The following PDGFRL variants were observed in gnomAD, a reference collection of about 807,000 sequenced individuals.
The protein encoded by PDGFRL is platelet-derived growth factor receptor-like protein.
A neutral mutation model predicts 37.2 loss-of-function variants in PDGFRL; 46 were observed. The ratio of observed to expected loss-of-function variants is 1.24; its 90% CI spans 0.98 to 1.58. PDGFRL has a LOEUF of 1.58. Ranked by LOEUF, PDGFRL falls within the 40% of genes most tolerant of loss-of-function variation. PDGFRL has a pLI of 0.00. For synonymous variants in PDGFRL, 251 were observed against 184.3 expected (o/e 1.36, Z -2.93); for missense variants, 692 against 467.6 (o/e 1.48, Z -4.43).
intron 2 of PDGFRL, among the ~76,000 whole-genome samples, chr8:17,597,933 A>G (rs1187477208): frequency 6.6e-6 from 1 of 151,390 alleles, no homozygotes; most frequent in African/African-American, 2.4e-5. Flanking sequence ...TCTCCTTATG[A>G]TTTTGATGAC....
intron 2 of PDGFRL, among the ~76,000 whole-genome samples, chr8:17,598,511 T>C (rs1804099985): frequency 6.6e-6 from 1 of 152,160 alleles, no homozygotes; most frequent in Admixed American, 6.5e-5. Flanking sequence ...ATGTCAGAAG[T>C]CAGTTCTTAG....
chr8:17,611,520 C>T (rs1563518712), intron 2 of PDGFRL, among the ~76,000 whole-genome samples: 1 of 152,074 alleles, frequency 6.6e-6, no homozygotes, highest in Non-Finnish European at 1.5e-5. Flanking sequence ...CGAGTAACCA[C>T]GTTTTGGTCA....
intron 1 of PDGFRL, among the ~76,000 whole-genome samples, chr8:17,580,956 TAC>T (rs373977371): frequency 0.073 from 5,297 of 72,262 alleles, 143 homozygotes; most frequent in Middle Eastern, 0.16. Context: ...GGCATTTTCA[TAC>T]GTGTGTGTGT....
chr8:17,642,854 C>T lies in PDGFRL; in HGVS notation c.*53C>T. 8.3e-7 allele frequency: 1 copy of T among 1,198,930 alleles called. No individual in the cohort carries two copies. The highest frequency in any genetic ancestry group is 1.2e-6 in the Non-Finnish European group (1 of 816,478). 74.3% of individuals were successfully genotyped at this position (1,198,930 alleles called of 1,614,324 possible). A position where few individuals can be genotyped will look rare whatever the true frequency, so the allele number is the denominator to read the frequency against. ...TGGAAAGCCCATTTGTGTACACAGT[C>T]AGCTTTGGGGTTCCTTTTATTAGTG... is the stretch of plus-strand genomic sequence containing the variant. On this transcript the variant is annotated 3_prime_UTR_variant, in exon 6 of 6. Transcript: ENST00000251630.
At chr8:17,606,681 C>T (rs1235604403) in intron 2 of PDGFRL, among the ~76,000 whole-genome samples, 1 of 132,046 alleles carries the variant, frequency 7.6e-6, no homozygotes, top group Non-Finnish European at 1.6e-5. Flanking sequence ...CAGAAAAACA[C>T]AGCTATGTTC....
intron 1 of PDGFRL, among the ~76,000 whole-genome samples, chr8:17,580,112 CAT>C (rs1803674416): frequency 6.6e-6 from 1 of 152,140 alleles, no homozygotes; most frequent in African/African-American, 2.4e-5. Flanking sequence ...TGTTGAATAA[CAT>C]GAGATCCTTG....
At chr8:17,623,195 ACC>A (rs1804665706) in intron 3 of PDGFRL, among the ~76,000 whole-genome samples, 1 of 152,170 alleles carries the variant, frequency 6.6e-6, no homozygotes, top group African/African-American at 2.4e-5. Flanking sequence ...TGTTTTTCTG[ACC>A]CAGGATCCAG....
At chr8:17,641,896 T>TCCCCCCCCCCCCCACC (rs144394170) in intron 5 of PDGFRL, among the ~76,000 whole-genome samples, 1 of 103,890 alleles carries the variant, frequency 9.6e-6, no homozygotes, top group Non-Finnish European at 1.8e-5. Context: ...TCAATAGAGG[T>TCCCCCCCCCCCCCACC]CCCCGCCACA....
chr8:17,607,151 C>T (rs1299256283), intron 2 of PDGFRL, among the ~76,000 whole-genome samples: 2 of 152,038 alleles, frequency 1.3e-5, no homozygotes, highest in Non-Finnish European at 2.9e-5. Context: ...CTGCCTTGGC[C>T]TGCGAGTTTC....
At chr8:17,599,506 T>G (rs1804122562) in intron 2 of PDGFRL, among the ~76,000 whole-genome samples, 1 of 152,224 alleles carries the variant, frequency 6.6e-6, no homozygotes, top group African/African-American at 2.4e-5. Flanking sequence ...CTGTTCTTCC[T>G]TCATTTCCAC....
At chr8:17,616,500 C>G (rs971838978) in intron 2 of PDGFRL, among the ~76,000 whole-genome samples, 1 of 152,160 alleles carries the variant, frequency 6.6e-6, no homozygotes, top group East Asian at 1.9e-4. Flanking sequence ...GGCCCAAGTT[C>G]ATGATTTTAT....
At chr8:17,630,175 T>A (rs1261344375) in intron 4 of PDGFRL, among the ~76,000 whole-genome samples, 2 of 152,142 alleles carry the variant, frequency 1.3e-5, no homozygotes, top group African/African-American at 2.4e-5. Flanking sequence ...TTTCTTCTGT[T>A]TTCCCCAATG....
upstream of PDGFRL, chr8:17,576,753 T>C: frequency 1.1e-6 from 1 of 939,620 alleles, no homozygotes; most frequent in Non-Finnish European, 1.3e-6. Flanking sequence ...GGGGCAACGG[T>C]CCTGTGAGTG....
intron 1 of PDGFRL, among the ~76,000 whole-genome samples, chr8:17,588,079 G>C (rs1004968593): frequency 2.6e-5 from 4 of 152,150 alleles, no homozygotes; most frequent in Non-Finnish European, 5.9e-5. Flanking sequence ...CTTACTTATA[G>C]AGAAGGCAAA....
intron 5 of PDGFRL, among the ~76,000 whole-genome samples, chr8:17,641,727 G>A (rs11782715): frequency 0.053 from 8,053 of 152,154 alleles, 294 homozygotes; most frequent in East Asian, 0.073. Context: ...GAAGAGATTT[G>A]GCCTCCACAA....
At chr8:17,580,731 A>G (rs1294417324) in intron 1 of PDGFRL, among the ~76,000 whole-genome samples, 1 of 152,190 alleles carries the variant, frequency 6.6e-6, no homozygotes, top group Non-Finnish European at 1.5e-5. Context: ...AAACCGCAGA[A>G]GTTTGTTTGC....
chr8:17,601,705 T>A (rs1804169931), intron 2 of PDGFRL, among the ~76,000 whole-genome samples: 1 of 152,116 alleles, frequency 6.6e-6, no homozygotes, highest in African/African-American at 2.4e-5. Context: ...CCTTTAAAAG[T>A]GAGAGCATGT....
chr8:17,618,270 G>A (rs1411806079), intron 2 of PDGFRL, among the ~76,000 whole-genome samples: 1 of 152,034 alleles, frequency 6.6e-6, no homozygotes, highest in Non-Finnish European at 1.5e-5. Flanking sequence ...TGCCCAATCT[G>A]GTCATGAACT....
intron 5 of PDGFRL, 138 bp from the exon 6 acceptor site, chr8:17,642,475 G>A (rs772613064): frequency 3.4e-5 from 22 of 641,174 alleles, no homozygotes; most frequent in Non-Finnish European, 5.6e-5. Context: ...CACAGCTTAT[G>A]AGCTACGCAT....
Sources: gnomAD v4.1 joint callset for allele counts (sites outside exome capture counted in the v4.1 genomes callset) on GRCh38, gnomAD v4.1.1 for gene constraint, MANE v1.5 for transcripts, NCBI Gene and HGNC (gene_info 2026-07-23, HGNC 2026-07-21) for gene names.